The following ZFHX4 variants were observed in gnomAD, a reference collection of about 807,000 sequenced individuals.
ZFHX4 encodes zinc finger homeobox protein 4.
Under a neutral mutation model 267.6 loss-of-function variants are expected in ZFHX4, and 56 were observed. That is an observed-to-expected ratio of 0.21 (90% confidence interval 0.17 to 0.26). ZFHX4 has a LOEUF of 0.26. ZFHX4 is among the 10% of genes least tolerant of loss of function. ZFHX4 has a pLI of 1.00. For missense variants in ZFHX4, 4,332 were observed against 4,420.0 expected (o/e 0.98, Z 0.56); for synonymous variants, 1,778 against 1,665.6 (o/e 1.07, Z -1.64).
chr8:76,853,223 A>G lies in ZFHX4; in HGVS notation c.6302A>G (p.Gln2101Arg). Residue 2101 changes from glutamine (Q) to arginine (R), a missense_variant, in exon 10 of 11, where the codon CAG (glutamine) becomes CGG (arginine). Coordinates refer to ENST00000651372, the MANE Select transcript of ZFHX4 (RefSeq NM_024721.5). ...LPPQLALQLP[Q>R]MDALSADLTQ... ...CCCCAGCTTGCCCTGCAGCTGCCAC[A>G]GATGGACGCACTCTCTGCAGACCTC... The G allele has an allele frequency of 6.4e-7, 1 of 1,569,660 alleles. No individual in the cohort carries two copies. Among genetic ancestry groups the G allele is most frequent in the Middle Eastern group, 1.7e-4 (1 of 6,002 alleles).
chr8:76,786,205 G>T (rs1352071870), intron 4 of ZFHX4, among the ~76,000 whole-genome samples: 1 of 151,938 alleles, frequency 6.6e-6, no homozygotes, highest in Non-Finnish European at 1.5e-5. Flanking sequence ...AGAATGAGCA[G>T]ACGTTTTGAG....
At chr8:76,839,053 AAGAGAGAGAGAGAGAGAGAGAG>A (rs35873786) in intron 5 of ZFHX4, among the ~76,000 whole-genome samples, 1,391 of 107,462 alleles carry the variant, frequency 0.013, 19 homozygotes, top group African/African-American at 0.045. Flanking sequence ...CTCTGTCTGA[AAGAGAGAGAGAGAGAGAGAGAG>A]AGAGAGAGAG....
chr8:76,704,305 C>G lies in ZFHX4; in HGVS notation c.217C>G (p.Gln73Glu), dbSNP rs1808184430. 6.2e-7 allele frequency: 1 copy of G among 1,613,894 alleles called. No homozygotes were observed. The highest frequency in any genetic ancestry group is 1.3e-5 in the African/African-American group (1 of 74,914). Reference protein sequence around the residue: ...GFSVENAAATQVTSAKEIPCN... With the variant: ...GFSVENAAATEVTSAKEIPCN... ...CAGCGTTGAGAATGCAGCTGCCACT[C>G]AGGTTACCTCAGCAAAGGAGATACC... The change falls in exon 2 of 11, where the codon CAG becomes GAG. Residue 73 changes from glutamine to glutamate, a missense_variant. Transcript: ENST00000651372.
At chr8:76,729,011 T>C (rs1199912580) in intron 3 of ZFHX4, among the ~76,000 whole-genome samples, 2 of 152,240 alleles carry the variant, frequency 1.3e-5, no homozygotes, top group Admixed American at 1.3e-4. Flanking sequence ...AGGTCAAAGA[T>C]AATTTAATGC....
intron 4 of ZFHX4, among the ~76,000 whole-genome samples, chr8:76,797,724 G>T (rs1044030495): frequency 6.6e-6 from 1 of 152,164 alleles, no homozygotes; most frequent in Non-Finnish European, 1.5e-5. Context: ...ATTTAGAAAG[G>T]TGGCAGAAAA....
chr8:76,730,145 A>T (rs1808962032), intron 3 of ZFHX4, among the ~76,000 whole-genome samples: 1 of 152,102 alleles, frequency 6.6e-6, no homozygotes, highest in African/African-American at 2.4e-5. Flanking sequence ...GACAAAGGAG[A>T]CCTTGAGGAG....
At chr8:76,682,960 G>A (rs1219376830) in intron 1 of ZFHX4, 2 of 152,178 alleles carry the variant, frequency 1.3e-5, no homozygotes, top group African/African-American at 4.8e-5. Context: ...ATTGTATAAA[G>A]TTTCTCTGCC....
At chr8:76,811,025 G>C (rs1811363903) in intron 4 of ZFHX4, among the ~76,000 whole-genome samples, 1 of 152,094 alleles carries the variant, frequency 6.6e-6, no homozygotes, top group Non-Finnish European at 1.5e-5. Context: ...TCACCTGGTG[G>C]GAAGCAGTAT....
intron 3 of ZFHX4, among the ~76,000 whole-genome samples, chr8:76,773,530 A>G (rs1465105179): frequency 6.6e-6 from 1 of 152,168 alleles, no homozygotes; most frequent in Non-Finnish European, 1.5e-5. Flanking sequence ...AGTGAAAAAC[A>G]GAGTCCCCAT....
At chr8:76,809,817 T>C (rs1811330419) in intron 4 of ZFHX4, among the ~76,000 whole-genome samples, 1 of 152,160 alleles carries the variant, frequency 6.6e-6, no homozygotes, top group Non-Finnish European at 1.5e-5. Context: ...ATAGAATTTG[T>C]GTGATTAGTG....
At chr8:76,761,370 TATCCTTGTA>T (rs1296690958) in intron 3 of ZFHX4, among the ~76,000 whole-genome samples, 1 of 152,250 alleles carries the variant, frequency 6.6e-6, no homozygotes, top group Non-Finnish European at 1.5e-5. Context: ...TGTGTTTATT[TATCCTTGTA>T]AATTCATGGC....
intron 4 of ZFHX4, among the ~76,000 whole-genome samples, chr8:76,783,226 A>G (rs948766129): frequency 3.9e-5 from 6 of 152,018 alleles, no homozygotes; most frequent in African/African-American, 1.2e-4. Flanking sequence ...GTGCTGGAAA[A>G]GGGAGAAAGG....
intron 4 of ZFHX4, among the ~76,000 whole-genome samples, chr8:76,826,919 G>A (rs1811799766): frequency 6.6e-6 from 1 of 152,206 alleles, no homozygotes; most frequent in Non-Finnish European, 1.5e-5. Context: ...GAAATAACTA[G>A]CCAGTGCTCA....
Position 76,729,322 on chromosome 8 carries a change from T to G in ZFHX4, c.3093+21274T>G, listed in dbSNP as rs186057878. Among the ~76,000 whole-genome samples the G allele has an allele frequency of 2.4e-4, 36 of 152,250 alleles. No homozygotes were observed. In the East Asian group the frequency reaches 6.6e-3, roughly 28 times the overall value. ...AACTTAAATAAATCTGTGAGTAAAT[T>G]GATGGGATTAAGGCTGAAACGATGG... On this transcript the variant is annotated intron_variant, in intron 3 of 10. Transcript: ENST00000651372.
At position 76,771,615 on chromosome 8, in the gene ZFHX4, T is replaced by G. The variant is rs947285193; in HGVS notation, c.3094-6593T>G. 2.0e-5 allele frequency among the ~76,000 whole-genome samples: 3 copies of G among 152,168 alleles called. No homozygotes were observed. The East Asian group carries it at 5.8e-4, about 29-fold the overall frequency. The stretch of plus-strand genomic sequence containing the variant: ...CACCATGCCTGGCTAATTTATTTAA[T>G]TTTTTGAAGAGATGGGTTCTCACTT... On this transcript the variant is annotated intron_variant, in intron 3 of 10. Transcript: ENST00000651372.
Position 76,833,318 on chromosome 8 carries a change from C to A in ZFHX4, c.3326-20C>A. On this transcript the variant is annotated intron_variant, in intron 4 of 10. Coordinates refer to ENST00000651372, the MANE Select transcript of ZFHX4 (RefSeq NM_024721.5). ...TGGATATGGCATGCTGATTACCTTT[C>A]ACTCTGATGTCTTCTGCAGAAACTG... is the stretch of plus-strand genomic sequence containing the variant. 6.2e-7 allele frequency: 1 copy of A among 1,604,842 alleles called. No individual in the cohort carries two copies. The highest frequency in any genetic ancestry group is 8.5e-7 in the Non-Finnish European group (1 of 1,174,200).
intron 3 of ZFHX4, 176 bp downstream of exon 3, chr8:76,708,224 G>T: frequency 2.5e-6 from 2 of 803,718 alleles, no homozygotes; most frequent in South Asian, 1.8e-5. Flanking sequence ...GGAATTGAAG[G>T]CTTTATTTAT....
At chr8:76,728,812 A>G (rs1808923880) in intron 3 of ZFHX4, among the ~76,000 whole-genome samples, 1 of 152,034 alleles carries the variant, frequency 6.6e-6, no homozygotes, top group Non-Finnish European at 1.5e-5. Flanking sequence ...CTTTGTGTTG[A>G]CTCTTTAAAT....
intron 9 of ZFHX4, 59 bp downstream of exon 9, chr8:76,850,421 G>A (rs1201672721): frequency 3.7e-6 from 5 of 1,358,088 alleles, no homozygotes; most frequent in African/African-American, 1.5e-5. Context: ...TGCATTTGTG[G>A]TGGTGCCCAA....
Sources: gnomAD v4.1 joint callset for allele counts (sites outside exome capture counted in the v4.1 genomes callset) on GRCh38, gnomAD v4.1.1 for gene constraint, MANE v1.5 for transcripts, NCBI Gene and HGNC (gene_info 2026-07-23, HGNC 2026-07-21) for gene names.